The following FABP6 variants were observed in gnomAD, a reference collection of about 807,000 sequenced individuals.
FABP6 encodes fatty acid binding protein 6.
In FABP6, 13 loss-of-function variants were observed where a neutral mutation model predicts 14.9. The ratio of observed to expected loss-of-function variants is 0.87; its 90% CI spans 0.57 to 1.39. The LOEUF (loss-of-function observed/expected upper bound fraction) is 1.39. Ranked by LOEUF, FABP6 falls within the 40% of genes most tolerant of loss-of-function variation. The pLI is 0.00. For missense variants in FABP6, 161 were observed against 167.2 expected (o/e 0.96, Z 0.20); for synonymous variants, 75 against 63.6 (o/e 1.18, Z -0.85).
intron 1 of FABP6, among the ~76,000 whole-genome samples, chr5:160,191,253 G>A (rs1028373621): frequency 2.0e-5 from 3 of 152,014 alleles, no homozygotes; most frequent in Admixed American, 6.6e-5. Flanking sequence ...ATCACCTGAG[G>A]TCAGGAGTTC....
intron 2 of FABP6, among the ~76,000 whole-genome samples, chr5:160,210,751 T>C (rs1759870203): frequency 6.6e-6 from 1 of 152,236 alleles, no homozygotes; most frequent in South Asian, 2.1e-4. Flanking sequence ...TTTCTCCTGC[T>C]TATGAGCTTA....
chr5:160,206,453 C>G (rs1759768591), intron 2 of FABP6, among the ~76,000 whole-genome samples: 1 of 151,902 alleles, frequency 6.6e-6, no homozygotes, highest in South Asian at 2.1e-4. Flanking sequence ...GCAAAAAAAC[C>G]CACATAATAT....
intron 2 of FABP6, among the ~76,000 whole-genome samples, chr5:160,203,432 A>C (rs1337725286): frequency 6.6e-6 from 1 of 152,182 alleles, no homozygotes; most frequent in African/African-American, 2.4e-5. Flanking sequence ...CCTCAGAATG[A>C]GTGACTCCAG....
At chr5:160,222,687 CT>C (rs1318456414) in intron 3 of FABP6, among the ~76,000 whole-genome samples, 1 of 152,130 alleles carries the variant, frequency 6.6e-6, no homozygotes, top group Non-Finnish European at 1.5e-5. Context: ...AATAAACCCC[CT>C]TTTTATTATA....
At chr5:160,199,447 AG>A (rs1759583319) in intron 2 of FABP6, among the ~76,000 whole-genome samples, 2 of 152,070 alleles carry the variant, frequency 1.3e-5, no homozygotes, top group African/African-American at 4.8e-5. Context: ...GGACCGGGGC[AG>A]CCCCCTGGCC....
intron 1 of FABP6, among the ~76,000 whole-genome samples, chr5:160,231,226 A>C (rs1039540612): frequency 6.6e-6 from 1 of 152,164 alleles, no homozygotes; most frequent in Non-Finnish European, 1.5e-5. Flanking sequence ...AGGAGCAATG[A>C]CTTGGCTTCA....
In FABP6 at chr5:160,233,734, G is replaced by T. The variant is rs190950157; in HGVS notation, c.244-1086G>T. Among the ~76,000 whole-genome samples the T allele has an allele frequency of 3.3e-5, 5 of 152,158 alleles. No homozygotes were observed. In the East Asian group the frequency reaches 9.7e-4, roughly 29 times the overall value. ...CAAAAAATACAAAAATTAGCCAGGC[G>T]TGGTGGCCGGTGCCTGTAATCCCAG... On this transcript the variant is annotated intron_variant, in intron 2 of 3. Transcript: ENST00000402432.
chr5:160,202,952 A>T (rs911410060), intron 2 of FABP6, among the ~76,000 whole-genome samples: 8 of 151,512 alleles, frequency 5.3e-5, no homozygotes, highest in African/African-American at 1.5e-4. Flanking sequence ...CCCAGACTAG[A>T]GTGCAATGGC....
chr5:160,212,660 A>AG (rs1759916852), intron 2 of FABP6, among the ~76,000 whole-genome samples: 1 of 152,088 alleles, frequency 6.6e-6, no homozygotes, highest in African/African-American at 2.4e-5. Flanking sequence ...TAGTAGAGAC[A>AG]GGGTTTCACC....
At chr5:160,201,821 T>C (rs1165679205) in intron 2 of FABP6, among the ~76,000 whole-genome samples, 1 of 152,188 alleles carries the variant, frequency 6.6e-6, no homozygotes, top group Non-Finnish European at 1.5e-5. Flanking sequence ...TGGAATGCAG[T>C]ATATGATCAT....
At chr5:160,191,299 T>A (rs138902959) in intron 1 of FABP6, among the ~76,000 whole-genome samples, 6,044 of 151,218 alleles carry the variant, frequency 0.04, 245 homozygotes, top group East Asian at 0.2. Flanking sequence ...CACCCCGTCT[T>A]TACTAAAAAT....
chr5:160,217,604 T>G (rs928063949), intron 3 of FABP6, among the ~76,000 whole-genome samples: 2 of 151,860 alleles, frequency 1.3e-5, no homozygotes, highest in Non-Finnish European at 2.9e-5. Context: ...ACTCATTTAT[T>G]TATTTTATTT....
At chr5:160,229,383 G>A (rs1760318384), upstream of FABP6, 2 of 1,440,466 alleles carry the variant, frequency 1.4e-6, no homozygotes, top group East Asian at 2.4e-5. Flanking sequence ...TCCAGGTCCT[G>A]CCCACATCAT....
chr5:160,191,734 G>A (rs1759398709), intron 1 of FABP6, among the ~76,000 whole-genome samples: 1 of 151,202 alleles, frequency 6.6e-6, no homozygotes, highest in Admixed American at 6.6e-5. Flanking sequence ...GGCCGAGGCG[G>A]GCAGATCACA....
chr5:160,211,842 G>C (rs946915537), intron 2 of FABP6, among the ~76,000 whole-genome samples: 4 of 152,166 alleles, frequency 2.6e-5, no homozygotes, highest in East Asian at 1.9e-4. Flanking sequence ...AAAGGCCCAG[G>C]TATAGACACT....
chr5:160,212,532 G>A (rs572101755), intron 2 of FABP6, among the ~76,000 whole-genome samples: 19 of 150,500 alleles, frequency 1.3e-4, no homozygotes, highest in African/African-American at 3.4e-4. Context: ...GCAGTGGCAC[G>A]ATCTCCGCTC....
At chr5:160,194,681 GT>G (rs1195036284) in intron 1 of FABP6, among the ~76,000 whole-genome samples, 2 of 152,162 alleles carry the variant, frequency 1.3e-5, no homozygotes, top group African/African-American at 4.8e-5. Flanking sequence ...CAGGCTTTTT[GT>G]TCATTCTTTT....
intron 2 of FABP6, among the ~76,000 whole-genome samples, chr5:160,211,983 CTTTTTT>C (rs70990712): frequency 1.9e-5 from 2 of 103,016 alleles, no homozygotes; most frequent in Non-Finnish European, 1.9e-5. Context: ...TATGCAAGTT[CTTTTTT>C]TTTTTTTTTT....
chr5:160,234,921 G>T lies in FABP6; in HGVS notation c.333+12G>T, dbSNP rs763525979. On this transcript the variant is annotated intron_variant, in intron 3 of 3. Coordinates refer to ENST00000402432, the MANE Select transcript of FABP6 (RefSeq NM_001445.3). The stretch of plus-strand genomic sequence containing the variant: ...ACAAGCTGGTGGAGGTGAGTGTCAT[G>T]CTGATTCCTGGGATGATTATTGGAT... 9 of 1,606,680 alleles carry T rather than the reference G, an allele frequency of 5.6e-6. No individual in the cohort carries two copies. Among genetic ancestry groups the T allele is most frequent in the Non-Finnish European group, 7.7e-6 (9 of 1,175,344 alleles).
Sources: gnomAD v4.1 joint callset for allele counts (sites outside exome capture counted in the v4.1 genomes callset) on GRCh38, gnomAD v4.1.1 for gene constraint, MANE v1.5 for transcripts, NCBI Gene and HGNC (gene_info 2026-07-23, HGNC 2026-07-21) for gene names.